ADGRV1: variants seen among roughly 807,000 people sequenced by gnomAD.
ADGRV1 encodes G-protein coupled receptor 98.
In ADGRV1, 359 loss-of-function variants were observed where a neutral mutation model predicts 596.2. That is an observed-to-expected ratio of 0.60 (90% confidence interval 0.55 to 0.66). The LOEUF is 0.66. ADGRV1 is among the 30% of genes least tolerant of loss of function. ADGRV1 has a pLI of 0.00. For synonymous variants in ADGRV1, 2,681 were observed against 2,679.2 expected (o/e 1.00, Z -0.02); for missense variants, 7,274 against 7,575.6 (o/e 0.96, Z 1.48).
At chr5:90,774,023 AT>A (rs1757958566) in intron 59 of ADGRV1, among the ~76,000 whole-genome samples, 162 bp from the exon 60 acceptor site, 1 of 152,216 alleles carries the variant, frequency 6.6e-6, no homozygotes, top group South Asian at 2.1e-4. Flanking sequence ...TTCAGAACTG[AT>A]TTTTGTGGAG....
intron 13 of ADGRV1, among the ~76,000 whole-genome samples, 164 bp downstream of exon 13, chr5:90,643,205 A>C (rs1580564147): frequency 6.6e-6 from 1 of 152,190 alleles, no homozygotes; most frequent in South Asian, 2.1e-4. Flanking sequence ...AAGGTTTAAA[A>C]ATGAAGACTC....
chr5:91,074,337 C>T (rs1007409123), intron 86 of ADGRV1, among the ~76,000 whole-genome samples: 1 of 152,098 alleles, frequency 6.6e-6, no homozygotes, highest in Non-Finnish European at 1.5e-5. Flanking sequence ...TTCCCTCTAC[C>T]CTCAAGTAGG....
chr5:91,148,766 G>A (rs1562280321), intron 87 of ADGRV1, among the ~76,000 whole-genome samples: 2 of 152,128 alleles, frequency 1.3e-5, no homozygotes, highest in African/African-American at 4.8e-5. Context: ...AAAAGCCACA[G>A]ACACTCAAAG....
At chr5:90,625,081 C>G (rs1174314284) in intron 5 of ADGRV1, 49 bp from the exon 6 acceptor site, 1 of 1,072,642 alleles carries the variant, frequency 9.3e-7, no homozygotes, top group South Asian at 1.4e-5. Flanking sequence ...CTTTCTCAGT[C>G]TTGTGAAGTA....
At chr5:91,056,143 C>T (rs1172855899) in intron 85 of ADGRV1, among the ~76,000 whole-genome samples, 3 of 152,144 alleles carry the variant, frequency 2.0e-5, no homozygotes, top group Admixed American at 6.6e-5. Flanking sequence ...GTTGGTTGTG[C>T]GACGTGTGGT....
intron 83 of ADGRV1, among the ~76,000 whole-genome samples, chr5:90,955,028 AAGAAAAGACCAG>A (rs557167958): frequency 2.1e-3 from 327 of 152,120 alleles, no homozygotes; most frequent in African/African-American, 7.6e-3. Flanking sequence ...GTGCACTTAG[AAGAAAAGACCAG>A]AGAGAGCTCG....
At chr5:90,991,029 T>G (rs1472488447) in intron 85 of ADGRV1, among the ~76,000 whole-genome samples, 1 of 152,164 alleles carries the variant, frequency 6.6e-6, no homozygotes, top group Non-Finnish European at 1.5e-5. Flanking sequence ...GGAATGTTCA[T>G]ACATAGAGAA....
At chr5:91,081,115 C>G (rs953661918) in intron 86 of ADGRV1, among the ~76,000 whole-genome samples, 9 of 152,122 alleles carry the variant, frequency 5.9e-5, no homozygotes, top group Admixed American at 5.9e-4. Context: ...CCTGGCGAGG[C>G]TTGCATGGAC....
At position 90,691,021 on chromosome 5, in the gene ADGRV1, G is replaced by A. The variant is rs764647159; in HGVS notation, c.6931G>A (p.Asp2311Asn). The A allele has an allele frequency of 3.5e-5, 57 of 1,613,612 alleles. No individual in the cohort carries two copies. Among genetic ancestry groups the A allele is most frequent in the South Asian group, 8.8e-5 (8 of 91,066 alleles). ...CTTGTTGTTAGAGGTCCTGGCTGAC[G>A]ACGTTCCGGAGATTGAAGAGGTGAG... Reference protein sequence around the residue: ...QTLLLEVLADDVPEIEEVIQV... With the variant: ...QTLLLEVLADNVPEIEEVIQV... Residue 2311 changes from aspartate (D) to asparagine (N), a missense_variant, in exon 31 of 90, where the codon GAC (aspartate) becomes AAC (asparagine). Transcript: ENST00000405460.
chr5:90,897,998 T>C (rs1038729059), intron 83 of ADGRV1, among the ~76,000 whole-genome samples: 1 of 152,190 alleles, frequency 6.6e-6, no homozygotes, highest in Non-Finnish European at 1.5e-5. Context: ...TCCAGTTCCC[T>C]CCAGGCCCAG....
intron 83 of ADGRV1, among the ~76,000 whole-genome samples, chr5:90,928,248 C>T (rs1466460299): frequency 5.3e-5 from 8 of 152,078 alleles, no homozygotes; most frequent in African/African-American, 1.9e-4. Context: ...GTTCCATTCT[C>T]CCCATCACTT....
intron 1 of ADGRV1, among the ~76,000 whole-genome samples, chr5:90,595,652 G>T (rs1214149336): frequency 5.5e-5 from 7 of 126,800 alleles, no homozygotes; most frequent in Admixed American, 1.5e-4. Context: ...GCGGCTGGCC[G>T]GGCGGGGAAC....
At chr5:90,773,900 G>A (rs937025493) in intron 59 of ADGRV1, among the ~76,000 whole-genome samples, 1 of 152,116 alleles carries the variant, frequency 6.6e-6, no homozygotes, top group African/African-American at 2.4e-5. Flanking sequence ...ATCATTGTGT[G>A]ATCATTTGGC....
At chr5:90,856,323 C>T (rs1448359136) in intron 82 of ADGRV1, among the ~76,000 whole-genome samples, 1 of 152,126 alleles carries the variant, frequency 6.6e-6, no homozygotes, top group Non-Finnish European at 1.5e-5. Context: ...TTTAAAGCTA[C>T]CTCATGGGTA....
intron 87 of ADGRV1, among the ~76,000 whole-genome samples, chr5:91,106,041 A>G (rs1791843422): frequency 6.6e-6 from 1 of 151,658 alleles, no homozygotes; most frequent in Non-Finnish European, 1.5e-5. Context: ...CTATTTATAA[A>G]ATTATAAAGT....
chr5:90,724,799 A>G (rs1751544740), intron 45 of ADGRV1, 33 bp from the exon 46 acceptor site: 3 of 1,601,720 alleles, frequency 1.9e-6, no homozygotes, highest in Non-Finnish European at 2.6e-6. Flanking sequence ...TGAAGGAGTA[A>G]TAAACTAGTA....
At chr5:91,003,104 A>T (rs1042858543) in intron 85 of ADGRV1, among the ~76,000 whole-genome samples, 8 of 152,114 alleles carry the variant, frequency 5.3e-5, no homozygotes, top group Non-Finnish European at 1.2e-4. Flanking sequence ...CTCATGTGGA[A>T]TTGGTGAGCT....
At chr5:90,672,455 G>A in intron 21 of ADGRV1, 91 bp from the exon 22 acceptor site, 1 of 1,045,228 alleles carries the variant, frequency 9.6e-7, no homozygotes, top group South Asian at 1.7e-5. Context: ...GTAGAATTAA[G>A]TTTATGGTAA....
Position 90,697,982 on chromosome 5 carries a change from A to G in ADGRV1, c.8155+836A>G, listed in dbSNP as rs554688262. On this transcript the variant is annotated intron_variant, in intron 34 of 89. Transcript: ENST00000405460. Reference sequence around the variant, plus strand: ...AGAGATTAAAAGACTTGACAGTGTCAGATGGTTAGTGGCTGTGCCAGAAAC... The same window carrying G: ...AGAGATTAAAAGACTTGACAGTGTCGGATGGTTAGTGGCTGTGCCAGAAAC... 1.6e-3 allele frequency among the ~76,000 whole-genome samples: 238 copies of G among 152,370 alleles called. 2 individuals carry two copies. In the South Asian group the frequency reaches 0.016, roughly 10 times the overall value.
Sources: allele counts gnomAD v4.1 joint callset (sites outside exome capture counted in the v4.1 genomes callset), GRCh38; gene constraint gnomAD v4.1.1; transcripts MANE v1.5; gene names NCBI Gene and HGNC (gene_info 2026-07-23, HGNC 2026-07-21).